IL17RD: variants seen among roughly 807,000 people sequenced by gnomAD.
The protein encoded by IL17RD is interleukin-17 receptor D.
A neutral mutation model predicts 80.5 loss-of-function variants in IL17RD; 52 were observed. That is an observed-to-expected ratio of 0.65 (90% CI 0.52 to 0.81). The LOEUF (loss-of-function observed/expected upper bound fraction) is 0.81. Among genes scored for constraint, IL17RD ranks in the 40% least tolerant of loss-of-function variants. The probability of loss-of-function intolerance (pLI) is 0.00; values close to 1 mark genes in which losing one functional copy is unlikely to be tolerated. For missense variants in IL17RD, 1,024 were observed against 955.1 expected, an observed-to-expected ratio of 1.07 and a Z score of -0.95; for synonymous variants, 416 against 391.8, an observed-to-expected ratio of 1.06 and a Z score of -0.73.
chr3:57,140,810 A>C (rs1166132221), intron 1 of IL17RD, among the ~76,000 whole-genome samples: 1 of 152,196 alleles, frequency 6.6e-6, no homozygotes, highest in Non-Finnish European at 1.5e-5. Flanking sequence ...ATATTCTAGG[A>C]AACAGTAACT....
chr3:57,115,535 C>A (rs940733384), intron 2 of IL17RD, among the ~76,000 whole-genome samples: 1 of 152,182 alleles, frequency 6.6e-6, no homozygotes, highest in Non-Finnish European at 1.5e-5. Flanking sequence ...GTCAATGTAG[C>A]CATAGCAGCT....
intron 1 of IL17RD, among the ~76,000 whole-genome samples, chr3:57,163,785 CGGG>C (rs57632395): frequency 0.078 from 1,250 of 15,964 alleles, 118 homozygotes; most frequent in African/African-American, 0.2. Flanking sequence ...CCTAATGGGG[CGGG>C]GGGGCGGGGG....
At chr3:57,148,758 A>G (rs1707989160) in intron 1 of IL17RD, among the ~76,000 whole-genome samples, 1 of 152,184 alleles carries the variant, frequency 6.6e-6, no homozygotes, top group South Asian at 2.1e-4. Flanking sequence ...CCCAAAAAGG[A>G]ATACAATATG....
chr3:57,114,920 C>G (rs1271080094), intron 2 of IL17RD, 103 bp from the exon 3 acceptor site: 13 of 927,150 alleles, frequency 1.4e-5, no homozygotes, highest in Non-Finnish European at 2.0e-5. Context: ...GTGGCCAAAT[C>G]CATTCTGTTA....
At chr3:57,128,653 C>T (rs1707545303) in intron 1 of IL17RD, among the ~76,000 whole-genome samples, 1 of 152,106 alleles carries the variant, frequency 6.6e-6, no homozygotes, top group Non-Finnish European at 1.5e-5. Flanking sequence ...ACAGCAACTT[C>T]TCTAAATGAT....
At chr3:57,121,955 G>C (rs1707348916) in intron 1 of IL17RD, among the ~76,000 whole-genome samples, 1 of 152,216 alleles carries the variant, frequency 6.6e-6, no homozygotes, top group African/African-American at 2.4e-5. Context: ...AACAGCCACT[G>C]TCCCCGCCCT....
In IL17RD at chr3:57,113,338, A is replaced by G. The variant is rs1283884459; in HGVS notation, c.310+1354T>C. 3.3e-5 allele frequency among the ~76,000 whole-genome samples: 5 copies of G among 152,254 alleles called. No individual in the cohort carries two copies. In the East Asian group the frequency reaches 9.7e-4, roughly 29 times the overall value. ...CCGCAACCTCTGCCTTGTGGGTTCA[A>G]GTGATTCTCCTGCCTCAGCCCCCTA... On this transcript the variant is annotated intron_variant, in intron 3 of 12. Coordinates refer to ENST00000296318, the MANE Select transcript of IL17RD (RefSeq NM_017563.5).
chr3:57,156,232 G>C (rs1484602398), intron 1 of IL17RD, among the ~76,000 whole-genome samples: 1 of 152,094 alleles, frequency 6.6e-6, no homozygotes, highest in Non-Finnish European at 1.5e-5. Context: ...AGTTGCTATT[G>C]GAAAGAGCAT....
chr3:57,152,556 T>C (rs1015175555), intron 1 of IL17RD, among the ~76,000 whole-genome samples: 1 of 152,218 alleles, frequency 6.6e-6, no homozygotes, highest in Non-Finnish European at 1.5e-5. Context: ...AGATGGAGGT[T>C]TTGTCTCTGT....
chr3:57,169,233 TGCCAA>T, upstream of IL17RD: 1 of 518,900 alleles, frequency 1.9e-6, no homozygotes. Context: ...TGGTCTCACC[TGCCAA>T]GGCCAGGATT....
intron 1 of IL17RD, among the ~76,000 whole-genome samples, chr3:57,149,272 G>C (rs997216246): frequency 1.3e-5 from 2 of 151,154 alleles, no homozygotes; most frequent in Non-Finnish European, 2.9e-5. Flanking sequence ...TTCCAGCCTG[G>C]GTGACAAGAG....
At chr3:57,161,724 G>C (rs1043078191) in intron 1 of IL17RD, among the ~76,000 whole-genome samples, 1 of 152,216 alleles carries the variant, frequency 6.6e-6, no homozygotes, top group Admixed American at 6.5e-5. Flanking sequence ...GCAAGACAAG[G>C]GGAGGGAGAA....
chr3:57,110,738 TC>T (rs1182346457), intron 3 of IL17RD, among the ~76,000 whole-genome samples: 1 of 152,246 alleles, frequency 6.6e-6, no homozygotes, highest in African/African-American at 2.4e-5. Context: ...AAGTTTTAGC[TC>T]TACATTTTTT....
Position 57,138,197 on chromosome 3 carries a change from T to C in IL17RD, c.127-17884A>G, listed in dbSNP as rs566306516. Among the ~76,000 whole-genome samples, 40 of 152,324 alleles carry C rather than the reference T, an allele frequency of 2.6e-4. No homozygotes were observed. In the South Asian group the frequency reaches 6.4e-3, roughly 24 times the overall value. On this transcript the variant is annotated intron_variant, in intron 1 of 12. Transcript: ENST00000296318. ...GGATGGTGGTGATGGTTGCAAAACA[T>C]TGTGAATTTACTTAAAAATCTTTGA...
In IL17RD at chr3:57,101,068, T is replaced by C. The variant is rs1006374648; in HGVS notation, c.1164+111A>G. Reference sequence around the variant, plus strand: ...CCCAGTTTGAAAGCTGTGGCACTAGTCAAGGGCAGGTGTCACCACAGGAGG... The same window carrying C: ...CCCAGTTTGAAAGCTGTGGCACTAGCCAAGGGCAGGTGTCACCACAGGAGG... On this transcript the variant is annotated intron_variant, in intron 11 of 12. Coordinates refer to ENST00000296318, the MANE Select transcript of IL17RD (RefSeq NM_017563.5). 223 of 761,426 alleles carry C rather than the reference T, an allele frequency of 2.9e-4. 1 individual carries two copies. The highest frequency in any genetic ancestry group is 7.1e-5 in the African/African-American group (4 of 56,730). 47.2% of individuals were successfully genotyped at this position (761,426 alleles called of 1,614,324 possible).
At chr3:57,157,143 C>A (rs1302438408) in intron 1 of IL17RD, among the ~76,000 whole-genome samples, 1 of 152,016 alleles carries the variant, frequency 6.6e-6, no homozygotes, top group East Asian at 1.9e-4. Context: ...GAGCAAAAAG[C>A]CAGAGATACT....
At chr3:57,156,105 C>T (rs1192157355) in intron 1 of IL17RD, among the ~76,000 whole-genome samples, 1 of 152,158 alleles carries the variant, frequency 6.6e-6, no homozygotes, top group Non-Finnish European at 1.5e-5. Flanking sequence ...AAAGACCCCA[C>T]CCACATGGAG....
At position 57,096,387 on chromosome 3, in the gene IL17RD, G is replaced by C. The variant is rs371343818; in HGVS notation, c.*6C>G. ...AAAGTGGCAATGCTTAGACTCTTTC[G>C]TTTTGTTACAAAGGGGCGACCGCGT... On this transcript the variant is annotated 3_prime_UTR_variant, in exon 13 of 13. Coordinates refer to ENST00000296318, the MANE Select transcript of IL17RD (RefSeq NM_017563.5). 6.2e-7 allele frequency: 1 copy of C among 1,602,900 alleles called. No homozygotes were observed. Among genetic ancestry groups the C allele is most frequent in the Non-Finnish European group, 8.5e-7 (1 of 1,169,712 alleles).
chr3:57,127,279 T>TATATAA (rs1707492435), intron 1 of IL17RD, among the ~76,000 whole-genome samples: 5 of 84,312 alleles, frequency 5.9e-5, no homozygotes, highest in African/African-American at 1.2e-4. Flanking sequence ...TATAAAAATA[T>TATATAA]ATATAAATAT....
Sources: allele counts gnomAD v4.1 joint callset (sites outside exome capture counted in the v4.1 genomes callset), GRCh38; gene constraint gnomAD v4.1.1; transcripts MANE v1.5; gene names NCBI Gene and HGNC (gene_info 2026-07-23, HGNC 2026-07-21).